CNTN4: variants seen among roughly 807,000 people sequenced by gnomAD.
CNTN4 encodes contactin-4.
Under a neutral mutation model 122.5 loss-of-function variants are expected in CNTN4, and 77 were observed. That is an observed-to-expected ratio of 0.63 (90% CI 0.52 to 0.76). The LOEUF (loss-of-function observed/expected upper bound fraction) is 0.76, where lower values mean the gene tolerates loss of function less well. Among genes scored for constraint, CNTN4 ranks in the 30% least tolerant of loss-of-function variants. The pLI is 0.00. For synonymous variants in CNTN4, 512 were observed against 447.0 expected, an observed-to-expected ratio of 1.15 and a Z score of -1.83; for missense variants, 1,256 against 1,259.1, an observed-to-expected ratio of 1.00 and a Z score of 0.04.
intron 7 of CNTN4, among the ~76,000 whole-genome samples, chr3:2,823,160 A>C (rs1303933202): frequency 1.3e-5 from 2 of 152,162 alleles, no homozygotes; most frequent in African/African-American, 4.8e-5. Flanking sequence ...CCCTAAAGCG[A>C]GAAGAATCAC....
At position 2,359,671 on chromosome 3, in the gene CNTN4, T is replaced by C. The variant is rs547038844; in HGVS notation, c.-89+20438T>C. 1.3e-4 allele frequency among the ~76,000 whole-genome samples: 20 copies of C among 152,108 alleles called. No individual in the cohort carries two copies. The East Asian group carries it at 2.9e-3, about 22-fold the overall frequency. On this transcript the variant is annotated intron_variant, in intron 3 of 24. Coordinates refer to ENST00000418658, the MANE Select transcript of CNTN4 (RefSeq NM_175607.3). ...TCTCCTGACTCAGCCTCCAGAGTAG[T>C]TGGGACTACAGGCGCCCACCACCAC...
intron 14 of CNTN4, among the ~76,000 whole-genome samples, chr3:3,022,032 C>T (rs1052767574): frequency 5.4e-5 from 8 of 147,002 alleles, no homozygotes; most frequent in African/African-American, 1.8e-4. Context: ...CGAGACCAGC[C>T]GGAGCAACAT....
intron 2 of CNTN4, among the ~76,000 whole-genome samples, chr3:2,176,932 C>A (rs939666467): frequency 2.0e-5 from 3 of 151,882 alleles, no homozygotes; most frequent in African/African-American, 7.2e-5. Context: ...AGGAGAAAAT[C>A]AACAAAGAGT....
chr3:3,048,937 T>C (rs556742853), intron 23 of CNTN4, among the ~76,000 whole-genome samples: 8 of 152,268 alleles, frequency 5.3e-5, no homozygotes, highest in Admixed American at 2.0e-4. Context: ...GCATTAGAGC[T>C]AAAAGGAGAG....
intron 14 of CNTN4, among the ~76,000 whole-genome samples, chr3:3,011,270 A>C (rs1697204318): frequency 6.6e-6 from 1 of 152,170 alleles, no homozygotes; most frequent in African/African-American, 2.4e-5. Flanking sequence ...TATGCCCCAT[A>C]AACTACTCCA....
intron 4 of CNTN4, among the ~76,000 whole-genome samples, chr3:2,585,407 C>T (rs7649288): frequency 0.014 from 2,201 of 151,868 alleles, 42 homozygotes; most frequent in African/African-American, 0.048. Flanking sequence ...TATTGCGGCA[C>T]TATTCACAAT....
intron 2 of CNTN4, among the ~76,000 whole-genome samples, chr3:2,244,883 A>G (rs1342127538): frequency 6.6e-6 from 1 of 152,078 alleles, no homozygotes; most frequent in Non-Finnish European, 1.5e-5. Flanking sequence ...AAATACTTTT[A>G]GAGCTAGTAA....
chr3:2,800,632 A>T (rs976209443), intron 6 of CNTN4, among the ~76,000 whole-genome samples: 5 of 152,214 alleles, frequency 3.3e-5, no homozygotes, highest in African/African-American at 1.2e-4. Context: ...ACTGTAAGTC[A>T]AACCATGTCA....
chr3:3,048,743 T>C (rs1482261977), intron 23 of CNTN4, among the ~76,000 whole-genome samples: 2 of 152,182 alleles, frequency 1.3e-5, no homozygotes, highest in Non-Finnish European at 2.9e-5. Flanking sequence ...ACTGACCCTT[T>C]CCAAAATTAA....
chr3:2,543,883 A>G (rs949364720), intron 3 of CNTN4, among the ~76,000 whole-genome samples: 1 of 152,148 alleles, frequency 6.6e-6, no homozygotes, highest in African/African-American at 2.4e-5. Context: ...ATTTCCACAC[A>G]GTGGACTTTT....
intron 13 of CNTN4, among the ~76,000 whole-genome samples, chr3:2,978,872 C>G (rs1235819510): frequency 6.6e-6 from 1 of 152,130 alleles, no homozygotes; most frequent in Non-Finnish European, 1.5e-5. Context: ...AGTAGTCTTA[C>G]CGAAATATAA....
intron 8 of CNTN4, among the ~76,000 whole-genome samples, chr3:2,869,293 G>A (rs2093758977): frequency 6.6e-6 from 1 of 152,118 alleles, no homozygotes; most frequent in Admixed American, 6.6e-5. Flanking sequence ...GAATACTACT[G>A]CAATTAATTC....
At chr3:2,996,784 C>T (rs759636416) in intron 14 of CNTN4, among the ~76,000 whole-genome samples, 21 of 152,144 alleles carry the variant, frequency 1.4e-4, no homozygotes, top group Non-Finnish European at 2.8e-4. Context: ...CTAATTGCCT[C>T]ATTTCAGCTG....
chr3:2,244,566 G>C (rs190991961), intron 2 of CNTN4, among the ~76,000 whole-genome samples: 6 of 151,916 alleles, frequency 3.9e-5, no homozygotes, highest in East Asian at 1.9e-4. Context: ...AGTATATTAG[G>C]TTACATAAAA....
intron 14 of CNTN4, among the ~76,000 whole-genome samples, chr3:3,007,774 T>C (rs905897082): frequency 6.6e-6 from 1 of 152,206 alleles, no homozygotes; most frequent in Non-Finnish European, 1.5e-5. Flanking sequence ...CAATAGATTC[T>C]GTGCTGGCAT....
At chr3:2,702,511 T>A (rs1255997930) in intron 4 of CNTN4, among the ~76,000 whole-genome samples, 1 of 152,262 alleles carries the variant, frequency 6.6e-6, no homozygotes. Flanking sequence ...CTATGGCTAC[T>A]TGTTCCTCCT....
At chr3:2,266,244 AC>A (rs2041042692) in intron 2 of CNTN4, among the ~76,000 whole-genome samples, 1 of 151,848 alleles carries the variant, frequency 6.6e-6, no homozygotes, top group African/African-American at 2.4e-5. Context: ...TTCCTTCTAT[AC>A]CCATTTTGTT....
At chr3:2,655,827 AAG>A (rs1424442267) in intron 4 of CNTN4, among the ~76,000 whole-genome samples, 4 of 152,206 alleles carry the variant, frequency 2.6e-5, no homozygotes, top group Non-Finnish European at 4.4e-5. Flanking sequence ...CGGGATTACC[AAG>A]ACTGTTTTGA....
chr3:2,482,495 A>T (rs2076033453), intron 3 of CNTN4, among the ~76,000 whole-genome samples: 1 of 152,148 alleles, frequency 6.6e-6, no homozygotes, highest in African/African-American at 2.4e-5. Context: ...ATAAGTAATA[A>T]GGAGCTGAAT....
Sources: gnomAD v4.1 joint callset for allele counts (sites outside exome capture counted in the v4.1 genomes callset) on GRCh38, gnomAD v4.1.1 for gene constraint, MANE v1.5 for transcripts, NCBI Gene and HGNC (gene_info 2026-07-23, HGNC 2026-07-21) for gene names.